The following TACC2 variants were observed in gnomAD, a reference collection of about 807,000 sequenced individuals.
The protein encoded by TACC2 is transforming acidic coiled-coil-containing protein 2.
In TACC2, 137 loss-of-function variants were observed where a neutral mutation model predicts 227.3. The ratio of observed to expected loss-of-function variants is 0.60; its 90% CI spans 0.52 to 0.69. The LOEUF (loss-of-function observed/expected upper bound fraction) is 0.69, where lower values mean the gene tolerates loss of function less well. Among genes scored for constraint, TACC2 ranks in the 30% least tolerant of loss-of-function variants. The probability of loss-of-function intolerance (pLI) is 0.00; values close to 1 mark genes in which losing one functional copy is unlikely to be tolerated. For synonymous variants in TACC2, 1,523 were observed against 1,487.5 expected (o/e 1.02, Z -0.55); for missense variants, 3,470 against 3,694.4 (o/e 0.94, Z 1.57).
chr10:122,208,448 A>G (rs1006359651), intron 8 of TACC2, among the ~76,000 whole-genome samples: 1 of 152,196 alleles, frequency 6.6e-6, no homozygotes, highest in African/African-American at 2.4e-5. Flanking sequence ...CACTGCCCAG[A>G]GATTTGCAGT....
At chr10:122,056,719 C>T (rs1464418518) in intron 3 of TACC2, among the ~76,000 whole-genome samples, 1 of 152,142 alleles carries the variant, frequency 6.6e-6, no homozygotes, top group African/African-American at 2.4e-5. Flanking sequence ...AATTCCTGAA[C>T]TGGACCTCTC....
At chr10:122,007,270 TA>T (rs1186340147) in intron 1 of TACC2, among the ~76,000 whole-genome samples, 1 of 152,222 alleles carries the variant, frequency 6.6e-6, no homozygotes, top group African/African-American at 2.4e-5. Flanking sequence ...CTTTTTCTTA[TA>T]TTTTTTTCTG....
At chr10:122,036,648 G>T (rs1427894254) in intron 2 of TACC2, among the ~76,000 whole-genome samples, 1 of 151,990 alleles carries the variant, frequency 6.6e-6, no homozygotes, top group Non-Finnish European at 1.5e-5. Context: ...TTACAGGCGT[G>T]CACCATCACA....
intron 5 of TACC2, among the ~76,000 whole-genome samples, chr10:122,111,676 A>G (rs952363833): frequency 4.8e-5 from 7 of 144,684 alleles, no homozygotes; most frequent in African/African-American, 1.5e-4. Flanking sequence ...TTGTATTTTT[A>G]GTAGAGACGG....
rs1168535545 is a variant in TACC2 at position 122,085,336 on chromosome 10, G to A, written c.2836G>A (p.Glu946Lys). 1 of 1,614,080 alleles carries A rather than the reference G, an allele frequency of 6.2e-7. No homozygotes were observed. Among genetic ancestry groups the A allele is most frequent in the Admixed American group, 1.7e-5 (1 of 60,024 alleles). ...PTRQKLPALGEKRPEGACGDG... is the reference protein window; with the variant it reads ...PTRQKLPALGKKRPEGACGDG... ...GAGACAGAAGTTGCCTGCACTAGGG[G>A]AGAAGCGGCCAGAGGGAGCATGCGG... The change falls in exon 4 of 23, where the codon GAG becomes AAG. Residue 946 changes from glutamate to lysine, a missense_variant. Around this residue, in one of 10 missense-constraint regions of TACC2, gnomAD observed 1,924 missense variants for 1,978.3 expected, o/e 0.97. Transcript: ENST00000369005.
At chr10:122,184,149 A>T (rs6585798) in intron 7 of TACC2, among the ~76,000 whole-genome samples, 13,724 of 152,076 alleles carry the variant, frequency 0.09, 998 homozygotes, top group East Asian at 0.3. Flanking sequence ...AGGCACCCCC[A>T]TCCTGGTCCT....
chr10:122,022,590 A>G (rs1957461292), intron 2 of TACC2: 1 of 152,308 alleles, frequency 6.6e-6, no homozygotes, highest in African/African-American at 2.4e-5. Context: ...TCTGTCTTCT[A>G]AAACTGACAT....
At chr10:122,237,151 C>T (rs115943998) in intron 16 of TACC2, among the ~76,000 whole-genome samples, 2,818 of 152,262 alleles carry the variant, frequency 0.019, 106 homozygotes, top group African/African-American at 0.065. Flanking sequence ...TCCAAGGCCT[C>T]GGAGCTTAAG....
intron 7 of TACC2, among the ~76,000 whole-genome samples, chr10:122,169,381 T>A (rs2093353811): frequency 6.6e-6 from 1 of 152,112 alleles, no homozygotes; most frequent in Non-Finnish European, 1.5e-5. Flanking sequence ...GGAAACTGAG[T>A]CCTCTGGATG....
intron 7 of TACC2, among the ~76,000 whole-genome samples, chr10:122,154,809 C>T (rs779324095): frequency 6.6e-6 from 1 of 152,218 alleles, no homozygotes; most frequent in Non-Finnish European, 1.5e-5. Context: ...CACCCACCCA[C>T]GCTGACACGC....
At chr10:122,199,645 C>CCCACA (rs1471240609) in intron 8 of TACC2, among the ~76,000 whole-genome samples, 19 of 152,192 alleles carry the variant, frequency 1.2e-4, no homozygotes, top group Non-Finnish European at 2.2e-4. Context: ...TCCCTCTTCA[C>CCCACA]CCACACAAGA....
chr10:122,048,415 C>CCCTCCCTT (rs1554979444), intron 2 of TACC2, among the ~76,000 whole-genome samples: 9 of 131,338 alleles, frequency 6.9e-5, no homozygotes, highest in South Asian at 2.7e-4. Flanking sequence ...CTCCCTCCCT[C>CCCTCCCTT]CCTTCCTTCC....
At chr10:122,248,971 G>C in intron 20 of TACC2, 79 bp from the exon 21 acceptor site, 1 of 1,502,626 alleles carries the variant, frequency 6.7e-7, no homozygotes, top group Non-Finnish European at 9.2e-7. Flanking sequence ...ACCTGCATCC[G>C]AGAGTTCCTG....
At chr10:122,117,302 C>G (rs914979453) in intron 5 of TACC2, among the ~76,000 whole-genome samples, 3 of 149,958 alleles carry the variant, frequency 2.0e-5, no homozygotes, top group Non-Finnish European at 4.4e-5. Flanking sequence ...TCAAGTGATT[C>G]TCCTGCCTCA....
Position 122,087,782 on chromosome 10 carries a change from C to T in TACC2, c.5282C>T (p.Thr1761Ile), listed in dbSNP as rs1444621227. 2 of 1,599,616 alleles carry T rather than the reference C, an allele frequency of 1.3e-6. No individual in the cohort carries two copies. Among genetic ancestry groups the T allele is most frequent in the Non-Finnish European group, 1.7e-6 (2 of 1,172,306 alleles). ...GACAAGGCTCCGGGGATGGAGGGTA[C>T]AGCTGCCCTTCATGGGGACAGCCCA... ...CSDKAPGMEG[T>I]AALHGDSPAR... The change falls in exon 4 of 23, where the codon ACA (threonine) becomes ATA (isoleucine). Residue 1761 changes from threonine to isoleucine, a missense_variant. By Grantham distance (89) the Thr-to-Ile change is moderately conservative (BLOSUM62 -1). This residue lies in a region of TACC2 where 1,924 missense variants were observed against 1,978.3 expected (regional missense o/e 0.97). Transcript: ENST00000369005.
At chr10:122,188,088 G>T (rs1312312954) in intron 7 of TACC2, among the ~76,000 whole-genome samples, 4 of 151,732 alleles carry the variant, frequency 2.6e-5, no homozygotes, top group Non-Finnish European at 1.5e-5. Flanking sequence ...CTTTGTTAAG[G>T]TTCCCTACCC....
intron 7 of TACC2, among the ~76,000 whole-genome samples, chr10:122,193,198 C>T (rs2094466330): frequency 6.6e-6 from 1 of 152,284 alleles, no homozygotes; most frequent in East Asian, 1.9e-4. Flanking sequence ...TCTTTTAAAC[C>T]CTTTGGTTCC....
chr10:122,250,286 C>G (rs1242947802), intron 22 of TACC2, among the ~76,000 whole-genome samples: 1 of 152,222 alleles, frequency 6.6e-6, no homozygotes, highest in Non-Finnish European at 1.5e-5. Flanking sequence ...GAGTGAGGGC[C>G]AGCCTCCCTC....
At chr10:122,107,878 A>T (rs12761171) in intron 5 of TACC2, among the ~76,000 whole-genome samples, 14,756 of 88,144 alleles carry the variant, frequency 0.17, 1,176 homozygotes, top group East Asian at 0.3. Context: ...ATATATATAT[A>T]TATTTTTTTT....
Sources: allele counts gnomAD v4.1 joint callset (sites outside exome capture counted in the v4.1 genomes callset), GRCh38; gene constraint gnomAD v4.1.1; regional missense constraint gnomAD v4.1.1; transcripts MANE v1.5; gene names NCBI Gene and HGNC (gene_info 2026-07-23, HGNC 2026-07-21).